Variants in NIPA1 observed in about 807,000 individuals in gnomAD.
NIPA1 encodes NIPA magnesium transporter 1.
In NIPA1, 13 loss-of-function variants were observed where a neutral mutation model predicts 23.9. That is an observed-to-expected ratio of 0.54 (90% CI 0.35 to 0.87). The LOEUF is 0.87. NIPA1 is among the 40% of genes least tolerant of loss of function. The probability of loss-of-function intolerance (pLI) is 0.01; values close to 1 mark genes in which losing one functional copy is unlikely to be tolerated. For synonymous variants in NIPA1, 234 were observed against 202.9 expected, an observed-to-expected ratio of 1.15 and a Z score of -1.30; for missense variants, 362 against 429.7, an observed-to-expected ratio of 0.84 and a Z score of 1.39.
intron 1 of NIPA1, among the ~76,000 whole-genome samples, chr15:22,806,531 T>G (rs1895216543): frequency 8.1e-6 from 1 of 123,744 alleles, no homozygotes; most frequent in African/African-American, 5.5e-5. Context: ...CTCTGCATCC[T>G]TCAGTGCTGC....
chr15:22,796,212 A>G (rs1011858825), intron 1 of NIPA1, among the ~76,000 whole-genome samples: 3 of 151,976 alleles, frequency 2.0e-5, no homozygotes, highest in African/African-American at 7.3e-5. Flanking sequence ...GTGAGCCACC[A>G]TGCATGGCCC....
At chr15:22,807,804 G>GTGTGTGTGTGTGTGTGTGTGTGTGTGTGT (rs1895240688) in intron 1 of NIPA1, among the ~76,000 whole-genome samples, 10 of 150,690 alleles carry the variant, frequency 6.6e-5, no homozygotes, top group African/African-American at 2.2e-4. Flanking sequence ...GTGTGTGTGT[G>GTGTGTGTGTGTGTGTGTGTGTGTGTGTGT]ATGGAGTCTC....
chr15:22,815,216 A>G (rs1283930921), intron 3 of NIPA1, among the ~76,000 whole-genome samples: 1 of 152,216 alleles, frequency 6.6e-6, no homozygotes, highest in Non-Finnish European at 1.5e-5. Context: ...TAACCACAGT[A>G]CAGTGATCAA....
chr15:22,820,716 T>A lies in NIPA1; in HGVS notation c.478+243T>A, dbSNP rs1026204708. 3.9e-5 allele frequency among the ~76,000 whole-genome samples: 6 copies of A among 152,088 alleles called. No individual in the cohort carries two copies. In the East Asian group the frequency reaches 1.2e-3, roughly 29 times the overall value. On this transcript the variant is annotated intron_variant, in intron 4 of 4. Coordinates refer to ENST00000337435, the MANE Select transcript of NIPA1 (RefSeq NM_144599.5). ...TGCGGGGAGCCTCCGTGGCCTGGTA[T>A]TCCTTCGGGTTCTCTTCTGGGGCCT...
At position 22,791,475 on chromosome 15, in the gene NIPA1, C is replaced by CTTTTTTTTTTTT. The variant is rs11428709; in HGVS notation, c.178+4654_178+4665dup. 2.8e-4 allele frequency among the ~76,000 whole-genome samples: 5 copies of CTTTTTTTTTTTT among 18,082 alleles called. 1 individual carries two copies. Among genetic ancestry groups the CTTTTTTTTTTTT allele is most frequent in the Admixed American group, 8.7e-4 (1 of 1,144 alleles). 11.9% of individuals were successfully genotyped at this position (18,082 alleles called of 152,430 possible). A position where few individuals can be genotyped will look rare whatever the true frequency, so the allele number is the denominator to read the frequency against. ...ATTTGAGGCATGGCTTCCTCTTTCA[C>CTTTTTTTTTTTT]TTTTTTTTTTTTTTTTTTTTTTTTG... On this transcript the variant is annotated intron_variant, in intron 1 of 4. Transcript: ENST00000337435.
At chr15:22,792,862 G>C (rs1894861518) in intron 1 of NIPA1, among the ~76,000 whole-genome samples, 1 of 152,086 alleles carries the variant, frequency 6.6e-6, no homozygotes, top group Non-Finnish European at 1.5e-5. Flanking sequence ...GCTGAGGCAG[G>C]AGAATTGCTT....
chr15:22,799,430 A>G (rs1895016726), intron 1 of NIPA1, among the ~76,000 whole-genome samples: 1 of 152,048 alleles, frequency 6.6e-6, no homozygotes, highest in African/African-American at 2.4e-5. Context: ...AGATCACTTC[A>G]GCCCAGGAGT....
At chr15:22,795,679 A>G (rs1004607204) in intron 1 of NIPA1, among the ~76,000 whole-genome samples, 3 of 152,098 alleles carry the variant, frequency 2.0e-5, no homozygotes, top group African/African-American at 7.2e-5. Flanking sequence ...GGATCCTTGT[A>G]GTGCTGCTTC....
chr15:22,824,336 T>G lies in NIPA1; in HGVS notation c.*97T>G. 5.5e-6 allele frequency: 6 copies of G among 1,096,234 alleles called. No homozygotes were observed. The highest frequency in any genetic ancestry group is 8.4e-6 in the Non-Finnish European group (6 of 715,198). 67.9% of individuals were successfully genotyped at this position (1,096,234 alleles called of 1,614,324 possible). A position where few individuals can be genotyped will look rare whatever the true frequency, so the allele number is the denominator to read the frequency against. On this transcript the variant is annotated 3_prime_UTR_variant, in exon 5 of 5. Coordinates refer to ENST00000337435, the MANE Select transcript of NIPA1 (RefSeq NM_144599.5). The surrounding 1 kb of genome is among the most constrained non-coding windows in gnomAD (Gnocchi z 4.1). ...GTAGAAGAGGTCCTCGATCATGGTG[T>G]TAGAATTGACTGGATAGTAACAGGT...
In NIPA1 at chr15:22,810,735, C is replaced by T; in HGVS notation, c.179-14C>T. On this transcript the variant is annotated splice_polypyrimidine_tract_variant and intron_variant, in intron 1 of 4. Coordinates refer to ENST00000337435, the MANE Select transcript of NIPA1 (RefSeq NM_144599.5). ...AACCCACTTTTCTGACATTTTTTAT[C>T]TCATTTTTTATAGGTACTTCCTATT... 6.3e-7 allele frequency: 1 copy of T among 1,580,154 alleles called. No homozygotes were observed. The highest frequency in any genetic ancestry group is 8.7e-7 in the Non-Finnish European group (1 of 1,148,946).
rs1895617353 is a variant in NIPA1, at chr15:22,824,828, GAA to G, written c.*590_*591del. The G allele has an allele frequency of 6.6e-6, 1 of 150,396 alleles. No individual in the cohort carries two copies. The highest frequency in any genetic ancestry group is 6.6e-5 in the Admixed American group (1 of 15,114). 9.3% of individuals were successfully genotyped at this position (150,396 alleles called of 1,614,324 possible). A position where few individuals can be genotyped will look rare whatever the true frequency, so the allele number is the denominator to read the frequency against. Reference sequence around the variant, plus strand: ...TTTTAATAGTAAATAGAGAGAGAGAGAAGAGTTAATGAACATGAGGTAGTGTT... The same window carrying G: ...TTTTAATAGTAAATAGAGAGAGAGAGGAGTTAATGAACATGAGGTAGTGTT... On this transcript the variant is annotated 3_prime_UTR_variant, in exon 5 of 5. Transcript: ENST00000337435. This position sits in a 1 kb window ranked among gnomAD's most constrained non-coding sequence, Gnocchi z 4.1.
rs746292866 is a variant in NIPA1, at chr15:22,824,137, TGGATTCACGACCGTCTCCGTGG to T, written c.894_915del (p.Phe298LeufsTer17). The T allele has an allele frequency of 1.2e-6, 2 of 1,613,966 alleles. No individual in the cohort carries two copies. The highest frequency in any genetic ancestry group is 1.7e-6 in the Non-Finnish European group (2 of 1,179,798). The stretch of plus-strand genomic sequence containing the variant: ...TGGTGGACTTCTTGGGGATGGCCTG[TGGATTCACGACCGTCTCCGTGG>T]GGATTGTCCTTATACAGGTGTTCAA... On this transcript the variant is annotated frameshift_variant, in exon 5 of 5. Coordinates refer to ENST00000337435, the MANE Select transcript of NIPA1 (RefSeq NM_144599.5). LOFTEE classifies it high-confidence loss of function. This position sits in a 1 kb window ranked among gnomAD's most constrained non-coding sequence, Gnocchi z 4.1.
chr15:22,787,927 A>G (rs1894744445), intron 1 of NIPA1, among the ~76,000 whole-genome samples: 1 of 152,178 alleles, frequency 6.6e-6, no homozygotes, highest in Non-Finnish European at 1.5e-5. Flanking sequence ...ATTTAGCTTT[A>G]AAGTGAAAGC....
chr15:22,812,284 T>C, intron 3 of NIPA1, 31 bp downstream of exon 3: 1 of 1,443,644 alleles, frequency 6.9e-7, no homozygotes, highest in East Asian at 2.3e-5. Flanking sequence ...TGGTATTTAA[T>C]GTGTAGTGTA....
intron 1 of NIPA1, among the ~76,000 whole-genome samples, chr15:22,788,364 G>A (rs1205561268): frequency 6.6e-6 from 1 of 151,914 alleles, no homozygotes; most frequent in Non-Finnish European, 1.5e-5. Flanking sequence ...ATCCCGGTGT[G>A]GTGGCACGCA....
At chr15:22,798,440 C>T (rs1184085568) in intron 1 of NIPA1, among the ~76,000 whole-genome samples, 15 of 149,868 alleles carry the variant, frequency 1.0e-4, no homozygotes, top group African/African-American at 3.7e-4. Flanking sequence ...GGGGTTTCAC[C>T]GTGTTGGCCA....
chr15:22,803,420 T>C (rs1160975438), intron 1 of NIPA1, among the ~76,000 whole-genome samples: 3 of 151,934 alleles, frequency 2.0e-5, no homozygotes, highest in Non-Finnish European at 2.9e-5. Flanking sequence ...ATATATGTTA[T>C]ATATCTGGAT....
At chr15:22,797,415 T>C (rs550832589) in intron 1 of NIPA1, among the ~76,000 whole-genome samples, 216 of 151,814 alleles carry the variant, frequency 1.4e-3, no homozygotes, top group Non-Finnish European at 2.6e-3. Flanking sequence ...GGTTTCACCA[T>C]GTTAGCCAGG....
chr15:22,798,472 C>T (rs1222524644), intron 1 of NIPA1, among the ~76,000 whole-genome samples: 2 of 148,672 alleles, frequency 1.3e-5, no homozygotes, highest in Non-Finnish European at 3.0e-5. Context: ...ATCTCCTGAC[C>T]TTGTGATCTG....
Sources: gnomAD v4.1 joint callset for allele counts (sites outside exome capture counted in the v4.1 genomes callset) on GRCh38, gnomAD v4.1.1 for gene constraint, Gnocchi (gnomAD v3.1) non-coding constraint, MANE v1.5 for transcripts, NCBI Gene and HGNC (gene_info 2026-07-23, HGNC 2026-07-21) for gene names.